The following RTTN variants were observed in gnomAD, a reference collection of about 807,000 sequenced individuals.
The protein encoded by RTTN is rotatin.
A neutral mutation model predicts 269.2 loss-of-function variants in RTTN; 182 were observed. The ratio of observed to expected loss-of-function variants is 0.68; its 90% CI spans 0.60 to 0.76. RTTN has a LOEUF of 0.76. Ranked by LOEUF, RTTN falls within the 30% of genes least tolerant of loss-of-function variation. RTTN has a pLI of 0.00. For synonymous variants in RTTN, 1,006 were observed against 963.5 expected (o/e 1.04, Z -0.82); for missense variants, 2,545 against 2,608.6 (o/e 0.98, Z 0.53).
At chr18:70,015,411 C>T (rs2056510967) in intron 46 of RTTN, among the ~76,000 whole-genome samples, 1 of 152,146 alleles carries the variant, frequency 6.6e-6, no homozygotes, top group African/African-American at 2.4e-5. Flanking sequence ...ACACTCCACT[C>T]CTGACCATTT....
chr18:70,073,078 T>C (rs2058338779), intron 34 of RTTN, among the ~76,000 whole-genome samples: 1 of 152,268 alleles, frequency 6.6e-6, no homozygotes, highest in Non-Finnish European at 1.5e-5. Flanking sequence ...ATTATTCTCA[T>C]ATTATTTTTG....
chr18:70,105,613 G>A (rs1475692886), intron 28 of RTTN, among the ~76,000 whole-genome samples: 1 of 152,086 alleles, frequency 6.6e-6, no homozygotes, highest in African/African-American at 2.4e-5. Context: ...TTCCTATTTG[G>A]CCATCTTGGA....
rs779802761 is a variant in RTTN, at chr18:70,088,104, AG to A, written c.4186del (p.Glu1397LysfsTer7). On this transcript the variant is annotated frameshift_variant, in exon 31 of 49. Coordinates refer to ENST00000640769, the MANE Select transcript of RTTN (RefSeq NM_173630.4). LOFTEE classifies it high-confidence loss of function. ...TGCTAAGGCCACACAGCCCGTTTCA[AG>A]GGTGGTCAGTGCTGATCCTAATCCC... ...SLGLGSALTT[L>X]ETGCVALANS... is the part of the protein sequence containing the mutation. 3 of 1,613,968 alleles carry A rather than the reference AG, an allele frequency of 1.9e-6. No individual in the cohort carries two copies. The highest frequency in any genetic ancestry group is 2.5e-6 in the Non-Finnish European group (3 of 1,179,908).
At chr18:70,101,498 T>C (rs774304983) in intron 28 of RTTN, among the ~76,000 whole-genome samples, 1 of 152,192 alleles carries the variant, frequency 6.6e-6, no homozygotes, top group Admixed American at 6.5e-5. Flanking sequence ...TAGTGGTGTA[T>C]CTATTTTGTT....
intron 7 of RTTN, among the ~76,000 whole-genome samples, chr18:70,195,281 AC>A (rs2061776881): frequency 6.6e-6 from 1 of 152,110 alleles, no homozygotes; most frequent in East Asian, 1.9e-4. Context: ...ATTCCTTGTC[AC>A]CCTTCAGGTC....
At chr18:70,096,440 C>G (rs751488053) in intron 28 of RTTN, among the ~76,000 whole-genome samples, 42 of 152,192 alleles carry the variant, frequency 2.8e-4, no homozygotes, top group Non-Finnish European at 5.3e-4. Flanking sequence ...ATGGATTTAT[C>G]TACCTTTGGT....
At chr18:70,139,300 C>T (rs1441886032) in intron 21 of RTTN, among the ~76,000 whole-genome samples, 1 of 152,166 alleles carries the variant, frequency 6.6e-6, no homozygotes, top group African/African-American at 2.4e-5. Context: ...ACAGCAGCTG[C>T]AACTTTCTCT....
rs367825675 is a variant in RTTN at position 70,065,808 on chromosome 18, A to AT, written c.4747+20dup. On this transcript the variant is annotated intron_variant, in intron 35 of 48. Transcript: ENST00000640769. ...TGTCATTTTTCTTTTTGAAGGTAGA[A>AT]TGTCTTCACTAAAAGGATACCTTGA... 52 of 1,504,856 alleles carry AT rather than the reference A, an allele frequency of 3.5e-5. No individual in the cohort carries two copies. The African/African-American group carries it at 6.3e-4, about 18-fold the overall frequency. 93.2% of individuals were successfully genotyped at this position (1,504,856 alleles called of 1,614,324 possible).
chr18:70,167,565 T>C (rs1415112751), intron 12 of RTTN, among the ~76,000 whole-genome samples: 2 of 151,650 alleles, frequency 1.3e-5, no homozygotes, highest in East Asian at 3.9e-4. Context: ...CTACTAAAAA[T>C]ACAAAAAATT....
chr18:70,051,376 A>G, intron 39 of RTTN, 35 bp downstream of exon 39: 1 of 1,572,368 alleles, frequency 6.4e-7, no homozygotes, highest in Admixed American at 2.0e-5. Context: ...TTTTATTAGC[A>G]GAAAGCCCCC....
At chr18:70,004,976 A>G (rs1413611287) in intron 48 of RTTN, among the ~76,000 whole-genome samples, 1 of 152,240 alleles carries the variant, frequency 6.6e-6, no homozygotes, top group Non-Finnish European at 1.5e-5. Context: ...TTAGTACAAA[A>G]ATAAGACGAA....
chr18:70,035,894 CACAA>C (rs1159340861), intron 40 of RTTN, among the ~76,000 whole-genome samples: 1 of 152,096 alleles, frequency 6.6e-6, no homozygotes, highest in East Asian at 1.9e-4. Flanking sequence ...GGGCAAAGGA[CACAA>C]ACAGACACTT....
intron 33 of RTTN, chr18:70,075,127 T>C: frequency 2.9e-6 from 1 of 345,060 alleles, no homozygotes; most frequent in Non-Finnish European, 5.1e-6. Context: ...AAGAAGGAAA[T>C]ACAAAAATGT....
chr18:70,003,353 T>C lies in RTTN; in HGVS notation c.*798A>G, dbSNP rs2056091216. 6.6e-6 allele frequency: 1 copy of C among 152,190 alleles called. No individual in the cohort carries two copies. The allele number at this position is 152,190 out of a possible 1,614,324, so 9.4% of individuals were successfully genotyped here. ...CAAGCCCGGCCATCTTCTGCATTTTTCAGTCTTACTCTATTCTTCATGATG... is the reference window on the plus strand; with the variant it reads ...CAAGCCCGGCCATCTTCTGCATTTTCCAGTCTTACTCTATTCTTCATGATG... On this transcript the variant is annotated 3_prime_UTR_variant, in exon 49 of 49. Transcript: ENST00000640769.
intron 17 of RTTN, among the ~76,000 whole-genome samples, chr18:70,146,311 G>T (rs1224041968): frequency 2.6e-5 from 4 of 152,144 alleles, no homozygotes; most frequent in African/African-American, 9.7e-5. Flanking sequence ...AAGGGATTAG[G>T]AATAAGGTCA....
At chr18:70,049,939 A>G (rs773598841) in intron 39 of RTTN, among the ~76,000 whole-genome samples, 37 of 152,330 alleles carry the variant, frequency 2.4e-4, no homozygotes, top group Non-Finnish European at 4.3e-4. Flanking sequence ...GATTTTATAT[A>G]TGAAGATGTA....
Position 70,051,545 on chromosome 18 carries a change from T to A in RTTN, c.5189A>T (p.Lys1730Ile), listed in dbSNP as rs1555706285. 1 of 1,594,268 alleles carries A rather than the reference T, an allele frequency of 6.3e-7. No homozygotes were observed. The highest frequency in any genetic ancestry group is 2.2e-5 in the East Asian group (1 of 44,664). Reference sequence around the variant, plus strand: ...GTGATAAAAAGCTGATATTAACTCTTTATCTATAAAATTAATCAAAACACT... The same window carrying A: ...GTGATAAAAAGCTGATATTAACTCTATATCTATAAAATTAATCAAAACACT... ...LTICTKDVLDKELISAFYHTW... is the reference protein window; with the variant it reads ...LTICTKDVLDIELISAFYHTW... Residue 1730 changes from lysine to isoleucine, a missense_variant, in exon 39 of 49, where the codon AAA becomes ATA. Coordinates refer to ENST00000640769, the MANE Select transcript of RTTN (RefSeq NM_173630.4).
chr18:70,188,232 A>G lies in RTTN; in HGVS notation c.1190-9T>C. The G allele has an allele frequency of 6.8e-7, 1 of 1,465,096 alleles. No individual in the cohort carries two copies. Among genetic ancestry groups the G allele is most frequent in the Non-Finnish European group, 9.5e-7 (1 of 1,049,986 alleles). The allele number at this position is 1,465,096 out of a possible 1,614,324, so 90.8% of individuals were successfully genotyped here. ...TATCACTTGTCTGCTACCTAGGAAT[A>G]CAAACAGAAAAAAGTAAAGGAGAAG... On this transcript the variant is annotated splice_polypyrimidine_tract_variant and intron_variant, in intron 9 of 48. Coordinates refer to ENST00000640769, the MANE Select transcript of RTTN (RefSeq NM_173630.4).
chr18:70,201,283 T>G (rs1231347958), intron 4 of RTTN, among the ~76,000 whole-genome samples: 1 of 152,166 alleles, frequency 6.6e-6, no homozygotes, highest in Non-Finnish European at 1.5e-5. Flanking sequence ...AGATGACATG[T>G]GTAGTGCAGG....
Sources: allele counts gnomAD v4.1 joint callset (sites outside exome capture counted in the v4.1 genomes callset), GRCh38; gene constraint gnomAD v4.1.1; transcripts MANE v1.5; gene names NCBI Gene and HGNC (gene_info 2026-07-23, HGNC 2026-07-21).